Variants in RAPGEF2 observed in about 807,000 individuals in gnomAD.
The protein encoded by RAPGEF2 is Rap guanine nucleotide exchange factor 2.
A neutral mutation model predicts 186.7 loss-of-function variants in RAPGEF2; 54 were observed. That is an observed-to-expected ratio of 0.29 (90% confidence interval 0.23 to 0.36). The LOEUF (loss-of-function observed/expected upper bound fraction) is 0.36. RAPGEF2 is among the 10% of genes least tolerant of loss of function. RAPGEF2 has a pLI of 1.00. For synonymous variants in RAPGEF2, 712 were observed against 705.9 expected (o/e 1.01, Z -0.14); for missense variants, 1,532 against 2,045.0 (o/e 0.75, Z 4.84).
rs377208356 is a variant in RAPGEF2, at chr4:159,296,103, T to C, written c.544-8239T>C. Among the ~76,000 whole-genome samples, 44 of 152,286 alleles carry C rather than the reference T, an allele frequency of 2.9e-4. No individual in the cohort carries two copies. In the East Asian group the frequency reaches 7.9e-3, roughly 27 times the overall value. On this transcript the variant is annotated intron_variant, in intron 7 of 29. Transcript: ENST00000691494. ...GAATTGCAATTACTGGATATTACCA[T>C]AAACCTTGTAAAGATTAATTTATAA...
chr4:159,248,316 G>A (rs942424144), intron 7 of RAPGEF2, among the ~76,000 whole-genome samples: 1 of 152,174 alleles, frequency 6.6e-6, no homozygotes, highest in Non-Finnish European at 1.5e-5. Context: ...GAGAGTGTTA[G>A]AGAGTGATAT....
chr4:159,132,863 T>C (rs1741259197), intron 1 of RAPGEF2, among the ~76,000 whole-genome samples: 1 of 151,526 alleles, frequency 6.6e-6, no homozygotes, highest in African/African-American at 2.4e-5. Flanking sequence ...AAATTAATAT[T>C]TTAAATATTA....
intron 4 of RAPGEF2, among the ~76,000 whole-genome samples, chr4:159,220,326 A>AG (rs1301423463): frequency 1.5e-5 from 2 of 136,824 alleles, no homozygotes; most frequent in African/African-American, 5.4e-5. Context: ...TACAGGACAG[A>AG]GGGGAGGTAC....
At chr4:159,221,157 G>C (rs896125222) in intron 4 of RAPGEF2, among the ~76,000 whole-genome samples, 6 of 152,178 alleles carry the variant, frequency 3.9e-5, no homozygotes, top group Non-Finnish European at 5.9e-5. Flanking sequence ...AAAACCAATT[G>C]CAACAACACA....
rs369921996 is a variant in RAPGEF2 at position 159,268,253 on chromosome 4, G to A, written c.543+24462G>A. The A allele has an allele frequency of 4.1e-6, 6 of 1,450,884 alleles. No homozygotes were observed. The African/African-American group carries it at 5.6e-5, about 14-fold the overall frequency. The allele number at this position is 1,450,884 out of a possible 1,614,324, so 89.9% of individuals were successfully genotyped here. ...AATGCTGCTTGTGCTTTGATAGCAC[G>A]TCATAGAGAACTGCTTTAAAATGGG... On this transcript the variant is annotated intron_variant, in intron 7 of 29. Transcript: ENST00000691494.
intron 18 of RAPGEF2, 138 bp from the exon 19 acceptor site, chr4:159,338,976 G>A: frequency 9.8e-7 from 1 of 1,017,766 alleles, no homozygotes; most frequent in East Asian, 2.4e-5. Context: ...GATTCTTTGA[G>A]GAAGACCTAG....
At chr4:159,208,303 A>G (rs922429486) in intron 3 of RAPGEF2, among the ~76,000 whole-genome samples, 1 of 152,260 alleles carries the variant, frequency 6.6e-6, no homozygotes, top group African/African-American at 2.4e-5. Context: ...ACAGAAACCA[A>G]ACAAAACAAG....
intron 4 of RAPGEF2, among the ~76,000 whole-genome samples, chr4:159,212,453 C>T (rs573457735): frequency 7.7e-4 from 117 of 152,174 alleles, no homozygotes; most frequent in African/African-American, 2.6e-3. Context: ...ATCCTGTCAT[C>T]GGAGATAATC....
At chr4:159,329,228 G>A (rs528728337) in intron 11 of RAPGEF2, 3 of 152,070 alleles carry the variant, frequency 2.0e-5, no homozygotes, top group Non-Finnish European at 4.4e-5. Context: ...GTCAGGGAGA[G>A]TAATGACTTC....
intron 7 of RAPGEF2, among the ~76,000 whole-genome samples, chr4:159,268,657 TAAAG>T (rs987304714): frequency 2.8e-4 from 43 of 152,210 alleles, no homozygotes; most frequent in African/African-American, 1.0e-3. Context: ...GATTTGGTAA[TAAAG>T]CGATCAGTGG....
At chr4:159,107,190 A>G (rs961067494) in intron 1 of RAPGEF2, among the ~76,000 whole-genome samples, 2 of 152,184 alleles carry the variant, frequency 1.3e-5, no homozygotes, top group Non-Finnish European at 2.9e-5. Flanking sequence ...CCCTGAAAAC[A>G]TTCTACTGAT....
intron 3 of RAPGEF2, among the ~76,000 whole-genome samples, chr4:159,202,292 CTCT>C (rs1467300191): frequency 1.3e-5 from 2 of 152,176 alleles, no homozygotes; most frequent in East Asian, 3.9e-4. Flanking sequence ...TGGGAGGAGT[CTCT>C]TCTTGTACCC....
At chr4:159,112,518 G>A (rs2111066682) in intron 1 of RAPGEF2, among the ~76,000 whole-genome samples, 1 of 152,306 alleles carries the variant, frequency 6.6e-6, no homozygotes, top group African/African-American at 2.4e-5. Flanking sequence ...ATTTGGGACA[G>A]TTTGAGAAGC....
At chr4:159,348,419 G>A (rs185530754) in intron 25 of RAPGEF2, among the ~76,000 whole-genome samples, 59 of 152,234 alleles carry the variant, frequency 3.9e-4, no homozygotes, top group African/African-American at 1.3e-3. Context: ...GACCCCTCAC[G>A]TACTCTGTAT....
chr4:159,313,158 AAAAG>A (rs151285107), intron 8 of RAPGEF2, among the ~76,000 whole-genome samples: 26,684 of 149,736 alleles, frequency 0.18, 2,520 homozygotes, highest in Admixed American at 0.24. Context: ...AAAAAAAACA[AAAAG>A]AAAGAAAGAA....
intron 1 of RAPGEF2, among the ~76,000 whole-genome samples, chr4:159,110,601 C>T (rs1395225684): frequency 6.6e-6 from 1 of 152,088 alleles, no homozygotes; most frequent in Non-Finnish European, 1.5e-5. Context: ...CCCAAAACAC[C>T]ATCATGTAGT....
chr4:159,346,696 C>T, intron 24 of RAPGEF2, 93 bp from the exon 25 acceptor site: 3 of 1,056,310 alleles, frequency 2.8e-6, no homozygotes. Context: ...ATTCTAACTG[C>T]AGAAAATGCT....
At chr4:159,307,238 T>G (rs1186280635) in intron 8 of RAPGEF2, among the ~76,000 whole-genome samples, 1 of 152,188 alleles carries the variant, frequency 6.6e-6, no homozygotes, top group Non-Finnish European at 1.5e-5. Flanking sequence ...GCTGTTTTTA[T>G]TTTTTTAATT....
intron 1 of RAPGEF2, among the ~76,000 whole-genome samples, chr4:159,117,938 A>G (rs1249006369): frequency 1.3e-5 from 2 of 152,216 alleles, no homozygotes; most frequent in African/African-American, 4.8e-5. Context: ...GAATAAACAA[A>G]TACAGCTTTG....
Sources: gnomAD v4.1 joint callset for allele counts (sites outside exome capture counted in the v4.1 genomes callset) on GRCh38, gnomAD v4.1.1 for gene constraint, MANE v1.5 for transcripts, NCBI Gene and HGNC (gene_info 2026-07-23, HGNC 2026-07-21) for gene names.